Variants in NTM observed in about 807,000 individuals in gnomAD.
NTM encodes neurotrimin.
Under a neutral mutation model 42.1 loss-of-function variants are expected in NTM, and 13 were observed. The observed-to-expected ratio is 0.31, with a 90% CI of 0.20 to 0.49. NTM has a LOEUF of 0.49. Ranked by LOEUF, NTM falls within the 20% of genes least tolerant of loss-of-function variation. The pLI is 0.99. For missense variants in NTM, 373 were observed against 452.8 expected (o/e 0.82, Z 1.60); for synonymous variants, 187 against 179.2 (o/e 1.04, Z -0.35).
chr11:131,430,106 T>G (rs974200592), intron 1 of NTM, among the ~76,000 whole-genome samples: 3 of 152,212 alleles, frequency 2.0e-5, no homozygotes, highest in Non-Finnish European at 4.4e-5. Flanking sequence ...CGCTGGGATA[T>G]GGCAGCATCA....
Position 131,542,825 on chromosome 11 carries a change from T to C in NTM, c.82+171937T>C, listed in dbSNP as rs192173363. 2.6e-5 allele frequency among the ~76,000 whole-genome samples: 4 copies of C among 152,296 alleles called. No individual in the cohort carries two copies. In the East Asian group the frequency reaches 7.7e-4, roughly 29 times the overall value. On this transcript the variant is annotated intron_variant, in intron 1 of 8. Coordinates refer to ENST00000683400, the MANE Select transcript of NTM (RefSeq NM_001352005.2). ...GGTGAGGAGGTGTGCAGCCTGGCTC[T>C]TTGTCAAGTCTTTGTCCCACGTGAG...
intron 1 of NTM, among the ~76,000 whole-genome samples, chr11:131,468,549 T>G (rs1952115551): frequency 6.6e-6 from 1 of 152,152 alleles, no homozygotes; most frequent in South Asian, 2.1e-4. Flanking sequence ...TTTTGTGAGT[T>G]TTTTTTCTAT....
At chr11:131,713,744 T>C (rs574451052) in intron 1 of NTM, among the ~76,000 whole-genome samples, 1 of 152,086 alleles carries the variant, frequency 6.6e-6, no homozygotes, top group South Asian at 2.1e-4. Flanking sequence ...GCAACCTCAA[T>C]TTTTGCCTCC....
At chr11:131,704,472 C>A (rs1191286608) in intron 1 of NTM, among the ~76,000 whole-genome samples, 2 of 152,196 alleles carry the variant, frequency 1.3e-5, no homozygotes, top group African/African-American at 2.4e-5. Flanking sequence ...TCTGTAGAAG[C>A]TGACTGGTGA....
At chr11:131,760,444 C>T (rs1390779379) in intron 1 of NTM, among the ~76,000 whole-genome samples, 5 of 152,080 alleles carry the variant, frequency 3.3e-5, no homozygotes, top group Non-Finnish European at 7.4e-5. Context: ...TTGGTATTTC[C>T]GATATGCTGG....
intron 1 of NTM, among the ~76,000 whole-genome samples, chr11:131,467,985 C>T (rs984448423): frequency 3.9e-5 from 6 of 152,180 alleles, no homozygotes; most frequent in South Asian, 2.1e-4. Context: ...CGTGGGCATC[C>T]GAAACGTTCC....
intron 2 of NTM, among the ~76,000 whole-genome samples, chr11:132,055,759 G>A (rs1444313096): frequency 1.3e-5 from 2 of 152,162 alleles, no homozygotes; most frequent in African/African-American, 2.4e-5. Flanking sequence ...AGACCTAGGA[G>A]GATGTGGGTT....
chr11:131,534,181 A>G (rs1244734643), intron 1 of NTM: 1 of 152,202 alleles, frequency 6.6e-6, no homozygotes, highest in Non-Finnish European at 1.5e-5. Context: ...GTTTCCCTGA[A>G]TAATAAGTGA....
chr11:131,549,685 G>C (rs902165220), intron 1 of NTM, among the ~76,000 whole-genome samples: 1 of 152,144 alleles, frequency 6.6e-6, no homozygotes, highest in African/African-American at 2.4e-5. Context: ...AGGTGTCTTC[G>C]ATCCTCAGAA....
chr11:131,881,667 A>G (rs1253254786), intron 1 of NTM, among the ~76,000 whole-genome samples: 1 of 152,192 alleles, frequency 6.6e-6, no homozygotes, highest in Non-Finnish European at 1.5e-5. Context: ...TAGAAGAGAG[A>G]AAGATATCCC....
intron 1 of NTM, among the ~76,000 whole-genome samples, chr11:131,689,213 G>T (rs974108031): frequency 6.6e-6 from 1 of 152,206 alleles, no homozygotes; most frequent in East Asian, 1.9e-4. Context: ...GGCTCAGCAT[G>T]AGGCAGCGGG....
chr11:131,413,494 C>T (rs1003496479), intron 1 of NTM, among the ~76,000 whole-genome samples: 3 of 152,174 alleles, frequency 2.0e-5, no homozygotes, highest in Admixed American at 1.3e-4. Context: ...TGCTCTTGTC[C>T]TCAGGCCAGA....
At chr11:131,929,358 C>T (rs1277640762) in intron 2 of NTM, among the ~76,000 whole-genome samples, 3 of 152,168 alleles carry the variant, frequency 2.0e-5, no homozygotes, top group Non-Finnish European at 4.4e-5. Context: ...TGGTCCAAGC[C>T]ACAGGCCTTG....
At chr11:131,606,532 C>T (rs967909789) in intron 1 of NTM, among the ~76,000 whole-genome samples, 7 of 152,164 alleles carry the variant, frequency 4.6e-5, no homozygotes, top group South Asian at 4.1e-4. Flanking sequence ...GACTGGACAG[C>T]GATGACAGTA....
rs186142134 is a variant in NTM at position 132,028,064 on chromosome 11, A to T, written c.167+116416A>T. 1.8e-4 allele frequency among the ~76,000 whole-genome samples: 27 copies of T among 151,150 alleles called. No homozygotes were observed. The East Asian group carries it at 4.9e-3, about 27-fold the overall frequency. On this transcript the variant is annotated intron_variant, in intron 2 of 8. Transcript: ENST00000683400. The stretch of plus-strand genomic sequence containing the variant: ...TTTTATTTCTACCATCTTCTTTTGA[A>T]TTCTTTTTTACAGTTTTCATTTTCT...
At chr11:131,974,476 A>T (rs2064020538) in intron 2 of NTM, among the ~76,000 whole-genome samples, 1 of 152,214 alleles carries the variant, frequency 6.6e-6, no homozygotes, top group Admixed American at 6.5e-5. Flanking sequence ...CTACATGTGA[A>T]CTTATACCTC....
chr11:131,486,140 G>A (rs1173955674), intron 1 of NTM, among the ~76,000 whole-genome samples: 1 of 152,156 alleles, frequency 6.6e-6, no homozygotes, highest in Admixed American at 6.6e-5. Flanking sequence ...CAAGGGTTTA[G>A]TGTTTGATGA....
At chr11:131,911,221 G>A (rs965263791) in intron 1 of NTM, 13 of 1,392,362 alleles carry the variant, frequency 9.3e-6, no homozygotes, top group Non-Finnish European at 1.2e-5. Context: ...CTTCCCGGCG[G>A]AAGCAGCGAG....
At chr11:131,895,040 G>A (rs74689830) in intron 1 of NTM, among the ~76,000 whole-genome samples, 1,737 of 152,248 alleles carry the variant, frequency 0.011, 35 homozygotes, top group African/African-American at 0.04. Context: ...GAAGCTTCTG[G>A]GAAGCTCAAG....
Sources: gnomAD v4.1 joint callset for allele counts (sites outside exome capture counted in the v4.1 genomes callset) on GRCh38, gnomAD v4.1.1 for gene constraint, MANE v1.5 for transcripts, NCBI Gene and HGNC (gene_info 2026-07-23, HGNC 2026-07-21) for gene names.